The following HSD3B1 variants were observed in gnomAD, a reference collection of about 807,000 sequenced individuals.
HSD3B1 encodes 3 beta-hydroxysteroid dehydrogenase/Delta 5-->4-isomerase type 1.
In HSD3B1, 11 loss-of-function variants were observed where a neutral mutation model predicts 10.4. The observed-to-expected ratio is 1.05, with a 90% CI of 0.66 to 1.75. The LOEUF (loss-of-function observed/expected upper bound fraction) is 1.75, where lower values mean the gene tolerates loss of function less well. Ranked by LOEUF, HSD3B1 falls within the 40% of genes most tolerant of loss-of-function variation. HSD3B1 has a pLI of 0.00. For missense variants in HSD3B1, 490 were observed against 454.5 expected, an observed-to-expected ratio of 1.08 and a Z score of -0.71; for synonymous variants, 217 against 185.4, an observed-to-expected ratio of 1.17 and a Z score of -1.39.
At position 119,514,952 on chromosome 1, in the gene HSD3B1, A is replaced by G. The variant is rs587653960; in HGVS notation, c.*307A>G. ...ACTTGAGGGTCGTTTTGACTACTAG[A>G]GCTCCATTTCTACTCTTAAATGAGA... is the stretch of plus-strand genomic sequence containing the variant. On this transcript the variant is annotated 3_prime_UTR_variant, in exon 4 of 4. Coordinates refer to ENST00000369413, the MANE Select transcript of HSD3B1 (RefSeq NM_000862.3). 151 of 382,582 alleles carry G rather than the reference A, an allele frequency of 3.9e-4. 1 individual carries two copies. The highest frequency in any genetic ancestry group is 1.7e-3 in the Admixed American group (39 of 23,476). 23.7% of individuals were successfully genotyped at this position (382,582 alleles called of 1,614,324 possible).
At chr1:119,511,223 C>T (rs936040497) in intron 2 of HSD3B1, among the ~76,000 whole-genome samples, 10 of 152,286 alleles carry the variant, frequency 6.6e-5, no homozygotes, top group African/African-American at 2.2e-4. Flanking sequence ...CTTCCCATGA[C>T]TCTAGCAATG....
Position 119,514,125 on chromosome 1 carries a change from G to C in HSD3B1, c.602G>C (p.Ser201Thr). Residue 201 changes from serine (S) to threonine (T), a missense_variant, in exon 4 of 4, where the codon AGT becomes ACT. Ser to Thr is a moderately conservative substitution (Grantham distance 58, BLOSUM62 1). Coordinates refer to ENST00000369413, the MANE Select transcript of HSD3B1 (RefSeq NM_000862.3). ...YGEGSRFLSA[S>T]INEALNNNGI... Reference sequence around the variant, plus strand: ...GAAGGAAGCCGATTCCTTTCTGCTAGTATAAACGAGGCCCTGAACAACAAT... The same window carrying C: ...GAAGGAAGCCGATTCCTTTCTGCTACTATAAACGAGGCCCTGAACAACAAT... 6.2e-7 allele frequency: 1 copy of C among 1,614,132 alleles called. No individual in the cohort carries two copies. The highest frequency in any genetic ancestry group is 8.5e-7 in the Non-Finnish European group (1 of 1,180,018).
intron 2 of HSD3B1, among the ~76,000 whole-genome samples, chr1:119,510,739 T>G (rs1653913635): frequency 1.2e-5 from 1 of 86,342 alleles, no homozygotes; most frequent in South Asian, 4.8e-4. Flanking sequence ...TTTTTTTTTT[T>G]TTTTTTTTTT....
intron 3 of HSD3B1, chr1:119,512,041 C>T (rs1653951979): frequency 3.9e-6 from 1 of 256,116 alleles, no homozygotes; most frequent in African/African-American, 2.2e-5. Context: ...CCAGACACCC[C>T]TTGCCTCCCA....
At chr1:119,508,886 TA>T (rs1653865318) in intron 2 of HSD3B1, among the ~76,000 whole-genome samples, 1 of 152,236 alleles carries the variant, frequency 6.6e-6, no homozygotes, top group South Asian at 2.1e-4. Flanking sequence ...TTGTCTTTGA[TA>T]AACAAATATG....
chr1:119,508,068 A>G (rs1653839236), intron 2 of HSD3B1: 1 of 166,368 alleles, frequency 6.0e-6, no homozygotes, highest in African/African-American at 2.4e-5. Context: ...CTTCCTTAGT[A>G]TCCTTTGTGA....
chr1:119,513,373 T>C lies in HSD3B1; in HGVS notation c.311-461T>C, dbSNP rs111558976. 5.1e-4 allele frequency among the ~76,000 whole-genome samples: 77 copies of C among 152,286 alleles called. 1 individual carries two copies. The highest frequency in any genetic ancestry group is 1.8e-3 in the African/African-American group (76 of 41,572). ...TATTGCCTATATACAATGGTGTATGTGTGTGTGTGATGTGAATTCTTCAAC... is the reference window on the plus strand; with the variant it reads ...TATTGCCTATATACAATGGTGTATGCGTGTGTGTGATGTGAATTCTTCAAC... On this transcript the variant is annotated intron_variant, in intron 3 of 3. Transcript: ENST00000369413.
rs1286927338 is a variant in HSD3B1, at chr1:119,507,783, G to T, written c.145+162G>T. The T allele has an allele frequency of 2.1e-5, 15 of 708,152 alleles. No homozygotes were observed. In the Admixed American group the frequency reaches 3.1e-4, roughly 15 times the overall value. The allele number at this position is 708,152 out of a possible 1,614,324, so 43.9% of individuals were successfully genotyped here. A position where few individuals can be genotyped will look rare whatever the true frequency, so the allele number is the denominator to read the frequency against. ...AATAAATATTAAATAGTATAAAATG[G>T]CATAGTATGAAAGATACTGGGTGGG... On this transcript the variant is annotated intron_variant, in intron 2 of 3. Coordinates refer to ENST00000369413, the MANE Select transcript of HSD3B1 (RefSeq NM_000862.3).
chr1:119,514,682 A>G lies in HSD3B1; in HGVS notation c.*37A>G. 1 of 1,603,924 alleles carries G rather than the reference A, an allele frequency of 6.2e-7. No individual in the cohort carries two copies. On this transcript the variant is annotated 3_prime_UTR_variant, in exon 4 of 4. Coordinates refer to ENST00000369413, the MANE Select transcript of HSD3B1 (RefSeq NM_000862.3). ...CAGAGATGTGCATGTGGGTATTGTT[A>G]GGAGATGTCATCAAGCTCCACCCTC... is the stretch of plus-strand genomic sequence containing the variant.
chr1:119,512,533 T>C (rs1392580992), intron 3 of HSD3B1, among the ~76,000 whole-genome samples: 2 of 148,926 alleles, frequency 1.3e-5, no homozygotes, highest in Admixed American at 6.6e-5. Context: ...CTACTCTGAC[T>C]CTTTTTCCAA....
chr1:119,509,605 C>T (rs1371168085), intron 2 of HSD3B1, among the ~76,000 whole-genome samples: 1 of 152,202 alleles, frequency 6.6e-6, no homozygotes, highest in Non-Finnish European at 1.5e-5. Flanking sequence ...ATCCCACTCT[C>T]AGGCTGTTAC....
chr1:119,509,327 A>G (rs1209078655), intron 2 of HSD3B1, among the ~76,000 whole-genome samples: 1 of 152,102 alleles, frequency 6.6e-6, no homozygotes, highest in Non-Finnish European at 1.5e-5. Context: ...CCCAACTTAC[A>G]CCATAAAAGC....
chr1:119,510,384 A>G (rs937434603), intron 2 of HSD3B1, among the ~76,000 whole-genome samples: 1 of 151,864 alleles, frequency 6.6e-6, no homozygotes, highest in Non-Finnish European at 1.5e-5. Context: ...CTGAGTAATG[A>G]CTCCACTCTC....
At chr1:119,512,815 C>T (rs1557896127) in intron 3 of HSD3B1, among the ~76,000 whole-genome samples, 1 of 152,196 alleles carries the variant, frequency 6.6e-6, no homozygotes, top group South Asian at 2.1e-4. Context: ...GGTAAACTAA[C>T]TCCAAATTTT....
At chr1:119,510,221 G>A (rs1232243244) in intron 2 of HSD3B1, among the ~76,000 whole-genome samples, 1 of 152,212 alleles carries the variant, frequency 6.6e-6, no homozygotes, top group Non-Finnish European at 1.5e-5. Flanking sequence ...AGAGGAACCT[G>A]AAGACATTGA....
rs1654063223 is a variant in HSD3B1, at chr1:119,514,823, C to T, written c.*178C>T. On this transcript the variant is annotated 3_prime_UTR_variant, in exon 4 of 4. Transcript: ENST00000369413. ...ATCAAAACCTGCGCAGTCATTGGCC[C>T]AACAAGAAGGTTTCTGTCCTAATCA... The T allele has an allele frequency of 5.8e-6, 4 of 694,510 alleles. No individual in the cohort carries two copies. Among genetic ancestry groups the T allele is most frequent in the Non-Finnish European group, 7.4e-6 (3 of 403,120 alleles). 43.0% of individuals were successfully genotyped at this position (694,510 alleles called of 1,614,324 possible). A position where few individuals can be genotyped will look rare whatever the true frequency, so the allele number is the denominator to read the frequency against.
chr1:119,511,620 T>A lies in HSD3B1; in HGVS notation c.263T>A (p.Val88Asp), dbSNP rs937334847. Residue 88 changes from valine to aspartate, a missense_variant, in exon 3 of 4, where the codon GTC (valine) becomes GAC (aspartate). Physicochemically the swap from Val to Asp is radical, Grantham distance 152 (BLOSUM62 -3). Coordinates refer to ENST00000369413, the MANE Select transcript of HSD3B1 (RefSeq NM_000862.3). ...ATCCACACCGCCTGTATCATTGATG[T>A]CTTCGGTGTCACTCACAGAGAGTCT... ...VIIHTACIID[V>D]FGVTHRESIM... 6.2e-7 allele frequency: 1 copy of A among 1,613,620 alleles called. No individual in the cohort carries two copies. The highest frequency in any genetic ancestry group is 8.5e-7 in the Non-Finnish European group (1 of 1,179,702).
Position 119,511,626 on chromosome 1 carries a change from G to C in HSD3B1, c.269G>C (p.Gly90Ala). Residue 90 changes from glycine to alanine, a missense_variant, in exon 3 of 4, where the codon GGT becomes GCT. Transcript: ENST00000369413. ...ACCGCCTGTATCATTGATGTCTTCG[G>C]TGTCACTCACAGAGAGTCTATCATG... Reference protein sequence around the residue: ...IHTACIIDVFGVTHRESIMNV... With the variant: ...IHTACIIDVFAVTHRESIMNV... 6.2e-7 allele frequency: 1 copy of C among 1,609,854 alleles called. No individual in the cohort carries two copies. The highest frequency in any genetic ancestry group is 8.5e-7 in the Non-Finnish European group (1 of 1,178,776).
chr1:119,508,244 T>C (rs902804366), intron 2 of HSD3B1, among the ~76,000 whole-genome samples: 2 of 150,888 alleles, frequency 1.3e-5, no homozygotes, highest in Admixed American at 1.3e-4. Flanking sequence ...GAAAAATATA[T>C]AGTGAGAGAG....
Sources: gnomAD v4.1 joint callset for allele counts (sites outside exome capture counted in the v4.1 genomes callset) on GRCh38, gnomAD v4.1.1 for gene constraint, MANE v1.5 for transcripts, NCBI Gene and HGNC (gene_info 2026-07-23, HGNC 2026-07-21) for gene names.